SSTR4: variants seen among roughly 807,000 people sequenced by gnomAD.
SSTR4 encodes the protein somatostatin receptor 4, also known as somatostatin receptor type 4.
For missense variants in SSTR4, 649 were observed against 540.6 expected (o/e 1.20, Z -1.99); for synonymous variants, 272 against 246.3 (o/e 1.10, Z -0.98).
At position 23,036,426 on chromosome 20, in the gene SSTR4, T is replaced by C; in HGVS notation, c.943T>C (p.Ser315Pro). The stretch of plus-strand genomic sequence containing the variant: ...CAACCCCATTCTCTATGGCTTCCTC[T>C]CCGACAACTTCCGCCGATTCTTCCA... Reference protein sequence around the residue: ...CANPILYGFLSDNFRRFFQRV... With the variant: ...CANPILYGFLPDNFRRFFQRV... Residue 315 changes from serine (S) to proline (P), a missense_variant, in exon 1 of 1, where the codon TCC (serine) becomes CCC (proline). Ser to Pro is a moderately conservative substitution (Grantham distance 74). Coordinates refer to ENST00000255008, the MANE Select transcript of SSTR4 (RefSeq NM_001052.4). 6.2e-7 allele frequency: 1 copy of C among 1,614,014 alleles called. No individual in the cohort carries two copies. The highest frequency in any genetic ancestry group is 2.2e-5 in the East Asian group (1 of 44,872).
Position 23,036,392 on chromosome 20 carries a change from C to A in SSTR4, c.909C>A (p.Asn303Lys), listed in dbSNP as rs4988475. The change falls in exon 1 of 1, where the codon AAC (asparagine) becomes AAA (lysine). Residue 303 changes from asparagine (N) to lysine (K), a missense_variant. By Grantham distance (94) the Asn-to-Lys change is moderately conservative. Coordinates refer to ENST00000255008, the MANE Select transcript of SSTR4 (RefSeq NM_001052.4). ...TGTCCCTTATCCTTAGCTATGCCAA[C>A]AGCTGCGCCAACCCCATTCTCTATG... ...NHVSLILSYA[N>K]SCANPILYGF... is the part of the protein sequence containing the mutation. 6.2e-7 allele frequency: 1 copy of A among 1,614,046 alleles called. No homozygotes were observed. The highest frequency in any genetic ancestry group is 8.5e-7 in the Non-Finnish European group (1 of 1,180,002).
chr20:23,037,688 A>C lies in SSTR4; in HGVS notation c.*1038A>C, dbSNP rs952334769. 2.1e-4 allele frequency among the ~76,000 whole-genome samples: 32 copies of C among 152,218 alleles called. 1 individual carries two copies. Among genetic ancestry groups the C allele is most frequent in the South Asian group, 2.1e-4 (1 of 4,828 alleles). ...TAAATTATCTTTCCCAAAGGGAAAG[A>C]GCTTAAGAGGAGCTCTAATTCTGCT... On this transcript the variant is annotated 3_prime_UTR_variant, in exon 1 of 1. Transcript: ENST00000255008.
Position 23,036,817 on chromosome 20 carries a change from C to A in SSTR4, c.*167C>A. 1 of 731,638 alleles carries A rather than the reference C, an allele frequency of 1.4e-6. No individual in the cohort carries two copies. The highest frequency in any genetic ancestry group is 2.2e-6 in the Non-Finnish European group (1 of 460,844). The allele number at this position is 731,638 out of a possible 1,614,324, so 45.3% of individuals were successfully genotyped here. Reference sequence around the variant, plus strand: ...GTGTCAGAACTCTTCTGCTGCTCTCCTCTCCCCTGCACTCTGGCTTTCAAA... The same window carrying A: ...GTGTCAGAACTCTTCTGCTGCTCTCATCTCCCCTGCACTCTGGCTTTCAAA... On this transcript the variant is annotated 3_prime_UTR_variant, in exon 1 of 1. Coordinates refer to ENST00000255008, the MANE Select transcript of SSTR4 (RefSeq NM_001052.4).
In SSTR4 at chr20:23,035,812, G is replaced by C; in HGVS notation, c.329G>C (p.Arg110Pro). The change falls in exon 1 of 1, where the codon CGC becomes CCC. Residue 110 changes from arginine to proline, a missense_variant. Physicochemically the swap from Arg to Pro is moderately radical, Grantham distance 103. Transcript: ENST00000255008. ...VPFVASSAAL[R>P]HWPFGSVLCR... The stretch of plus-strand genomic sequence containing the variant: ...TTCGTGGCCTCGTCGGCCGCCCTGC[G>C]CCACTGGCCCTTCGGCTCCGTGCTG... 6.3e-7 allele frequency: 1 copy of C among 1,591,006 alleles called. No individual in the cohort carries two copies. The highest frequency in any genetic ancestry group is 8.6e-7 in the Non-Finnish European group (1 of 1,168,422).
chr20:23,035,897 C>T lies in SSTR4; in HGVS notation c.414C>T (p.Thr138=). The change falls in exon 1 of 1, where the codon ACC becomes ACT. Residue 138 remains threonine (T), a synonymous_variant. Transcript: ENST00000255008. The stretch of plus-strand genomic sequence containing the variant: ...TGTTCACCAGCGTCTTCTGTCTCAC[C>T]GTGCTCAGCGTGGACCGCTACGTGG... ...LNMFTSVFCL[T]VLSVDRYVAV... 6.2e-7 allele frequency: 1 copy of T among 1,612,942 alleles called. No homozygotes were observed. The highest frequency in any genetic ancestry group is 8.5e-7 in the Non-Finnish European group (1 of 1,179,566).
At position 23,035,740 on chromosome 20, in the gene SSTR4, T is replaced by C. The variant is rs781685083; in HGVS notation, c.257T>C (p.Leu86Pro). 8 of 1,585,490 alleles carry C rather than the reference T, an allele frequency of 5.0e-6. No individual in the cohort carries two copies. Among genetic ancestry groups the C allele is most frequent in the Non-Finnish European group, 3.4e-6 (4 of 1,166,266 alleles). ...ATGAAGACGGCTACCAACATCTACC[T>C]GCTCAACCTGGCCGTAGCCGACGAG... Reference protein sequence around the residue: ...AKMKTATNIYLLNLAVADELF... With the variant: ...AKMKTATNIYPLNLAVADELF... The change falls in exon 1 of 1, where the codon CTG (leucine) becomes CCG (proline). Residue 86 changes from leucine to proline, a missense_variant. Coordinates refer to ENST00000255008, the MANE Select transcript of SSTR4 (RefSeq NM_001052.4).
chr20:23,036,758 T>A lies in SSTR4; in HGVS notation c.*108T>A. 7.8e-7 allele frequency: 1 copy of A among 1,285,922 alleles called. No individual in the cohort carries two copies. Among genetic ancestry groups the A allele is most frequent in the Non-Finnish European group, 1.1e-6 (1 of 934,838 alleles). The allele number at this position is 1,285,922 out of a possible 1,614,324, so 79.7% of individuals were successfully genotyped here. ...GAATGCTCACCTAAGCTCCACCACC[T>A]GTTCCTTCCAGCAGCCCATGTACCT... On this transcript the variant is annotated 3_prime_UTR_variant, in exon 1 of 1. Transcript: ENST00000255008.
Position 23,036,787 on chromosome 20 carries a change from G to A in SSTR4, c.*137G>A, listed in dbSNP as rs766973853. 25 of 1,005,694 alleles carry A rather than the reference G, an allele frequency of 2.5e-5. No homozygotes were observed. Among genetic ancestry groups the A allele is most frequent in the East Asian group, 5.2e-5 (2 of 38,208 alleles). 62.3% of individuals were successfully genotyped at this position (1,005,694 alleles called of 1,614,324 possible). On this transcript the variant is annotated 3_prime_UTR_variant, in exon 1 of 1. Transcript: ENST00000255008. ...CCTTCCAGCAGCCCATGTACCTGCC[G>A]GAGAGTGTCAGAACTCTTCTGCTGC...
chr20:23,036,098 G>T lies in SSTR4; in HGVS notation c.615G>T (p.Pro205=), dbSNP rs748748744. 1 of 1,600,918 alleles carries T rather than the reference G, an allele frequency of 6.2e-7. No homozygotes were observed. The highest frequency in any genetic ancestry group is 2.2e-5 in the East Asian group (1 of 44,836). The change falls in exon 1 of 1, where the codon CCG becomes CCT. Residue 205 remains proline (P), a synonymous_variant. Coordinates refer to ENST00000255008, the MANE Select transcript of SSTR4 (RefSeq NM_001052.4). ...CCTGCAACCTGCAGTGGCCACACCC[G>T]GCCTGGTCGGCAGTCTTCGTGGTCT... The part of the protein sequence containing the change: ...AVACNLQWPH[P]AWSAVFVVYT...
In SSTR4 at chr20:23,035,955, CG is replaced by C. The variant is rs780986281; in HGVS notation, c.474del (p.Arg159GlyfsTer104). Reference protein sequence around the residue: ...VVHPLRAATYRRPSVAKLINL... With the variant: ...VVHPLRAATYXRPSVAKLINL... ...GCACCCTCTGCGCGCGGCGACCTACCGGCGGCCCAGCGTGGCCAAGCTCATC... is the reference window on the plus strand; with the variant it reads ...GCACCCTCTGCGCGCGGCGACCTACCGCGGCCCAGCGTGGCCAAGCTCATC... On this transcript the variant is annotated frameshift_variant, in exon 1 of 1. Coordinates refer to ENST00000255008, the MANE Select transcript of SSTR4 (RefSeq NM_001052.4). LOFTEE classifies it low-confidence loss of function (END_TRUNC). The C allele has an allele frequency of 1.1e-5, 18 of 1,609,456 alleles. No homozygotes were observed. In the East Asian group the frequency reaches 1.8e-4, roughly 16 times the overall value.
chr20:23,036,145 T>C lies in SSTR4; in HGVS notation c.662T>C (p.Leu221Pro). Reference protein sequence around the residue: ...FVVYTFLLGFLLPVLAIGLCY... With the variant: ...FVVYTFLLGFPLPVLAIGLCY... ...GTCTACACTTTCCTGCTGGGCTTCCTGCTGCCCGTGCTGGCCATTGGCCTG... is the reference window on the plus strand; with the variant it reads ...GTCTACACTTTCCTGCTGGGCTTCCCGCTGCCCGTGCTGGCCATTGGCCTG... The change falls in exon 1 of 1, where the codon CTG (leucine) becomes CCG (proline). Residue 221 changes from leucine to proline, a missense_variant. Physicochemically the swap from Leu to Pro is moderately conservative, Grantham distance 98. Transcript: ENST00000255008. 2 of 1,607,814 alleles carry C rather than the reference T, an allele frequency of 1.2e-6. No homozygotes were observed. Among genetic ancestry groups the C allele is most frequent in the Non-Finnish European group, 1.7e-6 (2 of 1,179,764 alleles).
Position 23,037,153 on chromosome 20 carries a change from T to C in SSTR4, c.*503T>C, listed in dbSNP as rs41279962. ...CTGAGCTCTTGTTAAGTGAGACTTA[T>C]GTTAACAGCCTGGGGCACTTACTTC... On this transcript the variant is annotated 3_prime_UTR_variant, in exon 1 of 1. Coordinates refer to ENST00000255008, the MANE Select transcript of SSTR4 (RefSeq NM_001052.4). 5.1e-3 allele frequency: 784 copies of C among 155,084 alleles called. No homozygotes were observed. The highest frequency in any genetic ancestry group is 0.013 in the Middle Eastern group (4 of 302). 9.6% of individuals were successfully genotyped at this position (155,084 alleles called of 1,614,324 possible).
rs1427036489 is a variant in SSTR4 at position 23,035,325 on chromosome 20, G to T, written c.-159G>T. 3 of 489,642 alleles carry T rather than the reference G, an allele frequency of 6.1e-6. No homozygotes were observed. Among genetic ancestry groups the T allele is most frequent in the African/African-American group, 2.0e-5 (1 of 49,108 alleles). The allele number at this position is 489,642 out of a possible 1,614,324, so 30.3% of individuals were successfully genotyped here. ...GCCCGCGCGGTGGGGCGCGCGGCGC[G>T]GGGATTGGCGGGCGCTCCCCGGTGC... On this transcript the variant is annotated 5_prime_UTR_variant, in exon 1 of 1. Transcript: ENST00000255008.
In SSTR4 at chr20:23,035,792, GGC is replaced by G; in HGVS notation, c.310_311del (p.Ala104LeufsTer185). 1 of 1,593,118 alleles carries G rather than the reference GGC, an allele frequency of 6.3e-7. No homozygotes were observed. Among genetic ancestry groups the G allele is most frequent in the Non-Finnish European group, 8.6e-7 (1 of 1,168,728 alleles). On this transcript the variant is annotated frameshift_variant, in exon 1 of 1. Transcript: ENST00000255008. LOFTEE classifies it low-confidence loss of function (END_TRUNC). Reference protein sequence around the residue: ...ELFMLSVPFVASSAALRHWPF... With the variant: ...ELFMLSVPFVXSSAALRHWPF... Reference sequence around the variant, plus strand: ...TCTTCATGCTGAGCGTGCCCTTCGTGGCCTCGTCGGCCGCCCTGCGCCACTGG... The same window carrying G: ...TCTTCATGCTGAGCGTGCCCTTCGTGCTCGTCGGCCGCCCTGCGCCACTGG...
Position 23,036,399 on chromosome 20 carries a change from G to C in SSTR4, c.916G>C (p.Ala306Pro), listed in dbSNP as rs1448544894. The C allele has an allele frequency of 1.2e-6, 2 of 1,613,936 alleles. No individual in the cohort carries two copies. Among genetic ancestry groups the C allele is most frequent in the Non-Finnish European group, 1.7e-6 (2 of 1,179,998 alleles). Reference protein sequence around the residue: ...SLILSYANSCANPILYGFLSD... With the variant: ...SLILSYANSCPNPILYGFLSD... The stretch of plus-strand genomic sequence containing the variant: ...TATCCTTAGCTATGCCAACAGCTGC[G>C]CCAACCCCATTCTCTATGGCTTCCT... Residue 306 changes from alanine to proline, a missense_variant, in exon 1 of 1, where the codon GCC becomes CCC. Ala to Pro is a conservative substitution (Grantham distance 27). Transcript: ENST00000255008.
chr20:23,039,166 G>A lies in SSTR4; in HGVS notation c.*2516G>A, dbSNP rs989704410. 1 of 152,266 alleles carries A rather than the reference G, an allele frequency of 6.6e-6. No homozygotes were observed. The highest frequency in any genetic ancestry group is 2.4e-5 in the African/African-American group (1 of 41,470). 9.4% of individuals were successfully genotyped at this position (152,266 alleles called of 1,614,324 possible). A position where few individuals can be genotyped will look rare whatever the true frequency, so the allele number is the denominator to read the frequency against. Reference sequence around the variant, plus strand: ...GGAGGCTTGCTTCGATGGTCATCTTGTTCTGCCTGCTAAGACCAGGAGTCA... The same window carrying A: ...GGAGGCTTGCTTCGATGGTCATCTTATTCTGCCTGCTAAGACCAGGAGTCA... On this transcript the variant is annotated 3_prime_UTR_variant, in exon 1 of 1. Coordinates refer to ENST00000255008, the MANE Select transcript of SSTR4 (RefSeq NM_001052.4).
In SSTR4 at chr20:23,037,443, T is replaced by C. The variant is rs1984360084; in HGVS notation, c.*793T>C. 6.6e-6 allele frequency: 1 copy of C among 152,274 alleles called. No homozygotes were observed. Among genetic ancestry groups the C allele is most frequent in the South Asian group, 2.1e-4 (1 of 4,824 alleles). The allele number at this position is 152,274 out of a possible 1,614,324, so 9.4% of individuals were successfully genotyped here. A position where few individuals can be genotyped will look rare whatever the true frequency, so the allele number is the denominator to read the frequency against. On this transcript the variant is annotated 3_prime_UTR_variant, in exon 1 of 1. Coordinates refer to ENST00000255008, the MANE Select transcript of SSTR4 (RefSeq NM_001052.4). ...CTCATTAAGGCAGCAATTTATACTG[T>C]GGTGGTGAGTGAGAGAGGAGCCATG...
rs1984272719 is a variant in SSTR4 at position 23,035,466 on chromosome 20, G to GCGC, written c.-15_-13dup. The GCGC allele has an allele frequency of 6.9e-7, 1 of 1,457,296 alleles. No homozygotes were observed. Among genetic ancestry groups the GCGC allele is most frequent in the Non-Finnish European group, 9.0e-7 (1 of 1,115,702 alleles). The allele number at this position is 1,457,296 out of a possible 1,614,324, so 90.3% of individuals were successfully genotyped here. On this transcript the variant is annotated 5_prime_UTR_variant, in exon 1 of 1. Coordinates refer to ENST00000255008, the MANE Select transcript of SSTR4 (RefSeq NM_001052.4). Reference sequence around the variant, plus strand: ...TAGCTCCGCCGCGCTCAGCTGCCCTGCGCCGGCACCCCTGGTCATGAGCGC... The same window carrying GCGC: ...TAGCTCCGCCGCGCTCAGCTGCCCTGCGCCGCCGGCACCCCTGGTCATGAGCGC...
rs373043966 is a variant in SSTR4, at chr20:23,035,942, C to T, written c.459C>T (p.Arg153=). The T allele has an allele frequency of 2.5e-6, 4 of 1,611,228 alleles. No homozygotes were observed. The highest frequency in any genetic ancestry group is 3.4e-6 in the Non-Finnish European group (4 of 1,179,308). The change falls in exon 1 of 1, where the codon CGC becomes CGT. Residue 153 remains arginine, a synonymous_variant. Transcript: ENST00000255008. ...DRYVAVVHPL[R]AATYRRPSVA... is the part of the protein sequence containing the mutation. Reference sequence around the variant, plus strand: ...ACGTGGCCGTGGTGCACCCTCTGCGCGCGGCGACCTACCGGCGGCCCAGCG... The same window carrying T: ...ACGTGGCCGTGGTGCACCCTCTGCGTGCGGCGACCTACCGGCGGCCCAGCG...
Sources: allele counts gnomAD v4.1 joint callset (sites outside exome capture counted in the v4.1 genomes callset), GRCh38; gene constraint gnomAD v4.1.1; transcripts MANE v1.5; gene names NCBI Gene and HGNC (gene_info 2026-07-23, HGNC 2026-07-21).